CHUK: variants seen among roughly 807,000 people sequenced by gnomAD.
CHUK encodes inhibitor of nuclear factor kappa-B kinase subunit alpha.
In CHUK, 35 loss-of-function variants were observed where a neutral mutation model predicts 104.8. The observed-to-expected ratio is 0.33, with a 90% CI of 0.26 to 0.44. CHUK has a LOEUF of 0.44. Ranked by LOEUF, CHUK falls within the 20% of genes least tolerant of loss-of-function variation. CHUK has a pLI of 1.00. For synonymous variants in CHUK, 276 were observed against 291.9 expected (o/e 0.95, Z 0.56); for missense variants, 663 against 902.7 (o/e 0.73, Z 3.40).
At chr10:100,206,733 C>T (rs12261565) in intron 11 of CHUK, among the ~76,000 whole-genome samples, 8,715 of 152,208 alleles carry the variant, frequency 0.057, 392 homozygotes, top group African/African-American at 0.11. Flanking sequence ...AGTAAGATTA[C>T]ATACATTTTA....
chr10:100,186,522 G>A (rs1222282066), downstream of CHUK: 1 of 152,594 alleles, frequency 6.6e-6, no homozygotes, highest in Non-Finnish European at 1.5e-5. Context: ...TTATGTGCCA[G>A]AATGCTGGTC....
At chr10:100,217,291 C>A (rs995524601) in intron 9 of CHUK, among the ~76,000 whole-genome samples, 3 of 147,926 alleles carry the variant, frequency 2.0e-5, no homozygotes, top group East Asian at 2.0e-4. Context: ...GTTTCTTGGG[C>A]AGAAGAATAA....
chr10:100,225,802 G>C, intron 2 of CHUK, 121 bp downstream of exon 2: 1 of 666,340 alleles, frequency 1.5e-6, no homozygotes, highest in East Asian at 2.8e-5. Context: ...TATTTAATGA[G>C]AGAAAAAAAT....
At chr10:100,214,399 C>T (rs1845805012) in intron 9 of CHUK, among the ~76,000 whole-genome samples, 1 of 151,934 alleles carries the variant, frequency 6.6e-6, no homozygotes, top group Non-Finnish European at 1.5e-5. Flanking sequence ...ACTAAGGTAC[C>T]AGGCAAAATG....
At chr10:100,195,450 C>T (rs986493809) in intron 16 of CHUK, 1 of 152,194 alleles carries the variant, frequency 6.6e-6, no homozygotes, top group Non-Finnish European at 1.5e-5. Context: ...ATACTTCCCC[C>T]ATAGCCCAAC....
chr10:100,192,018 T>C (rs1845217469), intron 19 of CHUK, among the ~76,000 whole-genome samples: 1 of 152,204 alleles, frequency 6.6e-6, no homozygotes, highest in African/African-American at 2.4e-5. Context: ...CTCGGGAAGC[T>C]GAAGCAGGAG....
rs774777741 is a variant in CHUK, at chr10:100,209,809, A to G, written c.934-20T>C. 2.7e-6 allele frequency: 3 copies of G among 1,099,264 alleles called. No individual in the cohort carries two copies. In the South Asian group the frequency reaches 3.9e-5, roughly 14 times the overall value. The allele number at this position is 1,099,264 out of a possible 1,614,324, so 68.1% of individuals were successfully genotyped here. Reference sequence around the variant, plus strand: ...TACTATCTGTATAAATAAGAAAAAAAGGTAAAGTTATTGATTATTTGTTAC... The same window carrying G: ...TACTATCTGTATAAATAAGAAAAAAGGGTAAAGTTATTGATTATTTGTTAC... On this transcript the variant is annotated intron_variant, in intron 9 of 20. Transcript: ENST00000370397.
chr10:100,204,966 C>T (rs2134222172), intron 12 of CHUK, 110 bp downstream of exon 12: 18 of 1,250,856 alleles, frequency 1.4e-5, no homozygotes, highest in Non-Finnish European at 1.9e-5. Flanking sequence ...TTCAAATTGG[C>T]CCAGTATGTT....
Position 100,207,220 on chromosome 10 carries a change from C to A in CHUK, c.1231+10G>T, listed in dbSNP as rs753418565. On this transcript the variant is annotated intron_variant, in intron 11 of 20. Transcript: ENST00000370397. The stretch of plus-strand genomic sequence containing the variant: ...GTTTAAAGCTCAGCCACTAAATGGA[C>A]TGGACTTACCAATATAATTTACACA... 4.0e-5 allele frequency: 49 copies of A among 1,231,084 alleles called. No individual in the cohort carries two copies. In the East Asian group the frequency reaches 1.1e-3, roughly 28 times the overall value. The allele number at this position is 1,231,084 out of a possible 1,614,324, so 76.3% of individuals were successfully genotyped here.
rs769019996 is a variant in CHUK at position 100,209,693 on chromosome 10, C to A, written c.1030G>T (p.Glu344Ter). Residue 344 changes from glutamate (E) to a stop codon, truncating the protein, a stop_gained, in exon 10 of 21, where the codon GAA (glutamate) becomes TAA (stop). Transcript: ENST00000370397. LOFTEE classifies it high-confidence loss of function. ...LHSLQSRIER[E>*]TGINTGSQEL... Reference sequence around the variant, plus strand: ...TGAGAACCAGTATTTATTCCAGTTTCACGCTCAATACGAGACTGTAGTGAA... The same window carrying A: ...TGAGAACCAGTATTTATTCCAGTTTAACGCTCAATACGAGACTGTAGTGAA... 1 of 1,587,902 alleles carries A rather than the reference C, an allele frequency of 6.3e-7. No homozygotes were observed. Among genetic ancestry groups the A allele is most frequent in the Non-Finnish European group, 8.6e-7 (1 of 1,156,180 alleles).
chr10:100,207,645 A>G (rs1318403664), intron 10 of CHUK, among the ~76,000 whole-genome samples: 5 of 152,236 alleles, frequency 3.3e-5, no homozygotes, highest in African/African-American at 1.2e-4. Context: ...CGGGCTTCAA[A>G]AATACAAGGC....
intron 11 of CHUK, 152 bp downstream of exon 11, chr10:100,207,078 C>A (rs1458317407): frequency 1.6e-6 from 1 of 619,302 alleles, no homozygotes; most frequent in East Asian, 2.9e-5. Flanking sequence ...TATATAAATC[C>A]ATTTTTCAGA....
intron 15 of CHUK, 135 bp from the exon 16 acceptor site, chr10:100,200,155 G>C: frequency 1.3e-6 from 1 of 771,030 alleles, no homozygotes; most frequent in Non-Finnish European, 2.4e-6. Context: ...GTATTTCACA[G>C]AGCATTGTAT....
Position 100,229,518 on chromosome 10 carries a change from C to A in CHUK, c.15G>T (p.Pro5=). Residue 5 remains proline, a synonymous_variant, in exon 1 of 21, where the codon CCG becomes CCT. Transcript: ENST00000370397. ...GCCCGCCCGCGCCCGGCCGCAGCCC[C>A]GGGGGCCGCTCCATGGGGCGGGAGG... MERP[P]GLRPGAGGPW... 1 of 1,551,346 alleles carries A rather than the reference C, an allele frequency of 6.4e-7. No individual in the cohort carries two copies. Among genetic ancestry groups the A allele is most frequent in the South Asian group, 1.2e-5 (1 of 85,688 alleles).
At chr10:100,215,685 A>G (rs1168744355) in intron 9 of CHUK, among the ~76,000 whole-genome samples, 1 of 152,198 alleles carries the variant, frequency 6.6e-6, no homozygotes, top group African/African-American at 2.4e-5. Context: ...TCAAAAGGGA[A>G]ATATTTCAGT....
chr10:100,228,178 A>T (rs1361166708), intron 1 of CHUK, among the ~76,000 whole-genome samples: 1 of 152,206 alleles, frequency 6.6e-6, no homozygotes, highest in Non-Finnish European at 1.5e-5. Context: ...ATTATACTAT[A>T]CTTACTTTAC....
intron 4 of CHUK, 68 bp downstream of exon 4, chr10:100,222,044 T>C: frequency 2.5e-6 from 2 of 810,072 alleles, no homozygotes; most frequent in Non-Finnish European, 4.3e-6. Flanking sequence ...TCTCCTGAAT[T>C]CCCAAAAAGA....
chr10:100,207,621 T>C (rs1845618982), intron 10 of CHUK, among the ~76,000 whole-genome samples: 1 of 152,184 alleles, frequency 6.6e-6, no homozygotes, highest in South Asian at 2.1e-4. Flanking sequence ...TACTGATACA[T>C]GCTACAACAT....
At position 100,229,260 on chromosome 10, in the gene CHUK, A is replaced by G. The variant is rs17883190; in HGVS notation, c.105+168T>C. Among the ~76,000 whole-genome samples the G allele has an allele frequency of 2.1e-3, 324 of 152,226 alleles. 1 individual carries two copies. The highest frequency in any genetic ancestry group is 6.8e-3 in the Middle Eastern group (2 of 294). On this transcript the variant is annotated intron_variant, in intron 1 of 20. Transcript: ENST00000370397. The stretch of plus-strand genomic sequence containing the variant: ...ACCTCAAATACAACTTTGGACACAC[A>G]GGCATAGTATCTTTCTCTCTAATAC...
Sources: allele counts gnomAD v4.1 joint callset (sites outside exome capture counted in the v4.1 genomes callset), GRCh38; gene constraint gnomAD v4.1.1; transcripts MANE v1.5; gene names NCBI Gene and HGNC (gene_info 2026-07-23, HGNC 2026-07-21).